Variants in SERINC5 observed in about 807,000 individuals in gnomAD.
SERINC5 encodes serine incorporator 5.
Under a neutral mutation model 63.1 loss-of-function variants are expected in SERINC5, and 41 were observed. The ratio of observed to expected loss-of-function variants is 0.65; its 90% CI spans 0.51 to 0.84. The LOEUF is 0.84. Among genes scored for constraint, SERINC5 ranks in the 40% least tolerant of loss-of-function variants. The pLI, the probability that SERINC5 is intolerant of heterozygous loss-of-function variation, is 0.00. For missense variants in SERINC5, 523 were observed against 573.0 expected (o/e 0.91, Z 0.89); for synonymous variants, 222 against 215.2 (o/e 1.03, Z -0.28).
chr5:80,255,579 G>C (rs993608130), intron 1 of SERINC5, among the ~76,000 whole-genome samples: 3 of 152,196 alleles, frequency 2.0e-5, no homozygotes, highest in African/African-American at 7.2e-5. Context: ...ACCAGTGCTC[G>C]GCGCAAGAGG....
chr5:80,160,099 G>T (rs553125745), intron 7 of SERINC5, among the ~76,000 whole-genome samples: 1 of 152,244 alleles, frequency 6.6e-6, no homozygotes, highest in African/African-American at 2.4e-5. Context: ...GGAATGGTAG[G>T]GCTGTTTTGT....
intron 11 of SERINC5, among the ~76,000 whole-genome samples, chr5:80,125,696 A>G (rs1033081911): frequency 1.3e-5 from 2 of 152,192 alleles, no homozygotes; most frequent in Non-Finnish European, 2.9e-5. Context: ...GATGATGGGA[A>G]GACTCAGCTG....
chr5:80,120,127 C>T (rs1744485692), intron 11 of SERINC5, among the ~76,000 whole-genome samples: 1 of 152,102 alleles, frequency 6.6e-6, no homozygotes, highest in African/African-American at 2.4e-5. Flanking sequence ...ATGTAAAGTG[C>T]CTGCTCATAG....
chr5:80,143,661 C>T lies in SERINC5; in HGVS notation c.*2G>A, dbSNP rs1245546497. ...ACAAAGCCCAGGGGACCGCCGATAT[C>T]ATCACACAGAGAACTCCCGGGTGGG... On this transcript the variant is annotated 3_prime_UTR_variant, in exon 12 of 12. Coordinates refer to ENST00000507668, the MANE Select transcript of SERINC5 (RefSeq NM_001174072.3). 12 of 1,535,792 alleles carry T rather than the reference C, an allele frequency of 7.8e-6. No homozygotes were observed. Among genetic ancestry groups the T allele is most frequent in the Non-Finnish European group, 9.6e-6 (11 of 1,146,820 alleles).
At position 80,182,548 on chromosome 5, in the gene SERINC5, C is replaced by A. The variant is rs56103861; in HGVS notation, c.196-4484G>T. Among the ~76,000 whole-genome samples, 30 of 133,816 alleles carry A rather than the reference C, an allele frequency of 2.2e-4. 3 individuals carry two copies. The highest frequency in any genetic ancestry group is 7.5e-3 in the Middle Eastern group (2 of 268). 87.8% of individuals were successfully genotyped at this position (133,816 alleles called of 152,430 possible). On this transcript the variant is annotated intron_variant, in intron 2 of 11. Coordinates refer to ENST00000507668, the MANE Select transcript of SERINC5 (RefSeq NM_001174072.3). ...ATAAGCTTCTATCATCTGACCGCCCCCCCCCCCTCCGCTTTTTTTTAATTG... is the reference window on the plus strand; with the variant it reads ...ATAAGCTTCTATCATCTGACCGCCCACCCCCCCTCCGCTTTTTTTTAATTG...
chr5:80,241,404 G>T (rs1192840293), intron 1 of SERINC5, among the ~76,000 whole-genome samples: 3 of 152,178 alleles, frequency 2.0e-5, no homozygotes, highest in African/African-American at 7.2e-5. Context: ...AGGAGTCGGA[G>T]GTTGCAGTGA....
At position 80,139,989 on chromosome 5, in the gene SERINC5, T is replaced by A; in HGVS notation, c.*3674A>T. 1.0e-6 allele frequency: 1 copy of A among 985,188 alleles called. No homozygotes were observed. The allele number at this position is 985,188 out of a possible 1,614,324, so 61.0% of individuals were successfully genotyped here. A position where few individuals can be genotyped will look rare whatever the true frequency, so the allele number is the denominator to read the frequency against. On this transcript the variant is annotated 3_prime_UTR_variant, in exon 12 of 12. Coordinates refer to ENST00000507668, the MANE Select transcript of SERINC5 (RefSeq NM_001174072.3). ...CTCTGGAATTTCCTTCGCAGGAAGG[T>A]GAAGCACCAATGATGGCAAAAATTA...
intron 1 of SERINC5, among the ~76,000 whole-genome samples, chr5:80,235,452 TTTAA>T (rs1751642837): frequency 6.6e-6 from 1 of 152,230 alleles, no homozygotes; most frequent in Admixed American, 6.5e-5. Flanking sequence ...CAAGAACATA[TTTAA>T]TTATGATTCA....
intron 1 of SERINC5, among the ~76,000 whole-genome samples, chr5:80,205,959 C>T (rs1232607323): frequency 1.8e-5 from 2 of 108,604 alleles, no homozygotes; most frequent in Non-Finnish European, 1.9e-5. Flanking sequence ...AAATATTAGC[C>T]GGGTGTGGTG....
intron 2 of SERINC5, among the ~76,000 whole-genome samples, chr5:80,201,764 G>C (rs6886574): frequency 1.3e-5 from 2 of 151,992 alleles, no homozygotes; most frequent in Non-Finnish European, 2.9e-5. Context: ...TTCTGTATAC[G>C]CTGACCAAAG....
At chr5:80,122,774 AG>A (rs1401208148) in intron 11 of SERINC5, among the ~76,000 whole-genome samples, 1 of 152,266 alleles carries the variant, frequency 6.6e-6, no homozygotes, top group African/African-American at 2.4e-5. Flanking sequence ...CCACGTGAGA[AG>A]GAATACCTCA....
intron 8 of SERINC5, chr5:80,157,005 T>C (rs563057034): frequency 6.7e-6 from 1 of 149,738 alleles, no homozygotes; most frequent in African/African-American, 2.5e-5. Context: ...TTTTTTTTTT[T>C]TTTTTTGAAA....
chr5:80,118,604 G>A (rs1744423577), intron 11 of SERINC5, among the ~76,000 whole-genome samples: 1 of 151,976 alleles, frequency 6.6e-6, no homozygotes, highest in Non-Finnish European at 1.5e-5. Context: ...ATGGAGTACA[G>A]TGGCACAATT....
intron 1 of SERINC5, among the ~76,000 whole-genome samples, chr5:80,248,757 G>A (rs544468348): frequency 1.3e-5 from 2 of 152,268 alleles, no homozygotes; most frequent in East Asian, 3.9e-4. Flanking sequence ...AGCAAAGATG[G>A]CCACCATCAT....
chr5:80,156,402 G>A (rs1001244209), intron 8 of SERINC5, among the ~76,000 whole-genome samples: 1 of 152,148 alleles, frequency 6.6e-6, no homozygotes, highest in Non-Finnish European at 1.5e-5. Flanking sequence ...TGAATTTAGT[G>A]TTCTTAAAGC....
At chr5:80,125,601 A>T (rs1416195530) in intron 11 of SERINC5, among the ~76,000 whole-genome samples, 3 of 152,208 alleles carry the variant, frequency 2.0e-5, no homozygotes, top group Non-Finnish European at 4.4e-5. Flanking sequence ...GAAGAAGGCA[A>T]TGGGCTTTCT....
intron 2 of SERINC5, among the ~76,000 whole-genome samples, chr5:80,178,535 G>GTTTT (rs1341563769): frequency 6.0e-4 from 49 of 81,584 alleles, no homozygotes; most frequent in African/African-American, 2.1e-3. Context: ...GCTAATTTTT[G>GTTTT]TATTTTTTTT....
intron 1 of SERINC5, among the ~76,000 whole-genome samples, chr5:80,252,032 G>C (rs551039531): frequency 6.6e-6 from 1 of 150,478 alleles, no homozygotes; most frequent in South Asian, 2.1e-4. Flanking sequence ...CTCTGACAGT[G>C]AGCACTGTCA....
intron 1 of SERINC5, 67 bp from the exon 2 acceptor site, chr5:80,203,120 G>A (rs1749953397): frequency 1.4e-6 from 2 of 1,459,980 alleles, no homozygotes; most frequent in Non-Finnish European, 1.9e-6. Context: ...ACATGGCCAG[G>A]CACTGTGGTA....
Sources: allele counts gnomAD v4.1 joint callset (sites outside exome capture counted in the v4.1 genomes callset), GRCh38; gene constraint gnomAD v4.1.1; transcripts MANE v1.5; gene names NCBI Gene and HGNC (gene_info 2026-07-23, HGNC 2026-07-21).